OCM: variants seen among roughly 807,000 people sequenced by gnomAD.
OCM encodes the protein oncomodulin-1.
OCM carries 18 observed loss-of-function variants against 14.1 expected under a neutral mutation model. That is an observed-to-expected ratio of 1.28 (90% CI 0.88 to 1.89). OCM has a LOEUF of 1.89. Ranked by LOEUF, OCM falls within the 40% of genes most tolerant of loss-of-function variation. The pLI, the probability that OCM is intolerant of heterozygous loss-of-function variation, is 0.00. For missense variants in OCM, 140 were observed against 137.6 expected (o/e 1.02, Z -0.09); for synonymous variants, 48 against 51.0 (o/e 0.94, Z 0.25).
chr7:5,881,026 G>A (rs1781204626), intron 1 of OCM, 76 bp downstream of exon 1: 12 of 1,490,450 alleles, frequency 8.1e-6, no homozygotes, highest in Non-Finnish European at 1.1e-5. Flanking sequence ...AAATCAAAAT[G>A]TAGGCCAGGC....
upstream of OCM, among the ~76,000 whole-genome samples, chr7:5,877,063 C>T (rs1222049287): frequency 6.6e-6 from 1 of 152,150 alleles, no homozygotes; most frequent in Non-Finnish European, 1.5e-5. Context: ...GCCTCGGCCT[C>T]CCAAAGTGCT....
chr7:5,860,214 C>T, the OCM span, among the ~76,000 whole-genome samples: 1 of 151,840 alleles, frequency 6.6e-6, no homozygotes, highest in Non-Finnish European at 1.5e-5. Context: ...TTGCCTCCAG[C>T]TCATCCGTAA....
chr7:5,861,723 TTTTA>T, the OCM span, among the ~76,000 whole-genome samples: 97 of 151,930 alleles, frequency 6.4e-4, no homozygotes, highest in Non-Finnish European at 1.1e-3. Context: ...CTCATTGTGG[TTTTA>T]TTTATTTATT....
chr7:5,869,731 G>C, the OCM span, among the ~76,000 whole-genome samples: 2 of 152,144 alleles, frequency 1.3e-5, no homozygotes, highest in Middle Eastern at 6.8e-3. Flanking sequence ...AGCTTCTTCT[G>C]CACTACCCAG....
chr7:5,861,453 A>G, the OCM span, among the ~76,000 whole-genome samples: 1 of 151,350 alleles, frequency 6.6e-6, no homozygotes, highest in Non-Finnish European at 1.5e-5. Flanking sequence ...GTTCTTGGGG[A>G]GGAAGTTGGA....
chr7:5,871,583 G>C, the OCM span, among the ~76,000 whole-genome samples: 4 of 152,110 alleles, frequency 2.6e-5, no homozygotes, highest in Admixed American at 1.3e-4. Flanking sequence ...ACTGGGCAAT[G>C]TTGCACACAC....
the OCM span, among the ~76,000 whole-genome samples, chr7:5,870,999 G>A: frequency 2.6e-5 from 4 of 151,698 alleles, no homozygotes; most frequent in African/African-American, 4.8e-5. Context: ...TGATTCTCCC[G>A]CCTCAGCCTC....
At chr7:5,861,549 G>A in the OCM span, among the ~76,000 whole-genome samples, 1 of 152,168 alleles carries the variant, frequency 6.6e-6, no homozygotes, top group East Asian at 1.9e-4. Context: ...ATGTTGAAGA[G>A]CGGAAGGAGA....
intron 3 of OCM, among the ~76,000 whole-genome samples, chr7:5,885,802 G>A (rs1781321696): frequency 6.6e-6 from 1 of 152,000 alleles, no homozygotes; most frequent in Non-Finnish European, 1.5e-5. Flanking sequence ...GTAGAGACAG[G>A]GTTTCACCAT....
the OCM span, among the ~76,000 whole-genome samples, chr7:5,866,900 C>A: frequency 6.6e-6 from 1 of 152,174 alleles, no homozygotes; most frequent in Non-Finnish European, 1.5e-5. Context: ...AACCGCCGTC[C>A]TGTGTCTATA....
At chr7:5,870,218 C>T in the OCM span, among the ~76,000 whole-genome samples, 5 of 152,080 alleles carry the variant, frequency 3.3e-5, no homozygotes, top group Admixed American at 6.6e-5. Flanking sequence ...GCCATCCATC[C>T]TCCCACCTCA....
upstream of OCM, chr7:5,880,763 T>TTA: frequency 1.4e-6 from 1 of 724,072 alleles, no homozygotes; most frequent in Non-Finnish European, 2.1e-6. Context: ...CGTCTTAATT[T>TTA]AAAAAAAAAA....
chr7:5,867,082 T>C, the OCM span, among the ~76,000 whole-genome samples: 1 of 152,190 alleles, frequency 6.6e-6, no homozygotes, highest in African/African-American at 2.4e-5. Flanking sequence ...TGATTTCCAA[T>C]TGCTAAGAGA....
chr7:5,876,410 C>G (rs1781096710), upstream of OCM, among the ~76,000 whole-genome samples: 1 of 152,172 alleles, frequency 6.6e-6, no homozygotes, highest in Admixed American at 6.5e-5. Context: ...CTTGGCCTCC[C>G]AAAGTGCTGA....
rs774181401 is a variant in OCM at position 5,880,924 on chromosome 7, T to C, written c.35T>C (p.Ile12Thr). 1.3e-5 allele frequency: 21 copies of C among 1,613,862 alleles called. No individual in the cohort carries two copies. The highest frequency in any genetic ancestry group is 8.5e-7 in the Non-Finnish European group (1 of 1,179,962). ...SITDVLSADD[I>T]AAALQECRDP... Reference sequence around the variant, plus strand: ...ACGGACGTGCTCAGTGCTGACGACATTGCAGCAGCGCTCCAGGAATGCCGA... The same window carrying C: ...ACGGACGTGCTCAGTGCTGACGACACTGCAGCAGCGCTCCAGGAATGCCGA... Residue 12 changes from isoleucine to threonine, a missense_variant, in exon 1 of 4, where the codon ATT (isoleucine) becomes ACT (threonine). Coordinates refer to ENST00000242104, the MANE Select transcript of OCM (RefSeq NM_001097622.2).
chr7:5,873,318 A>C, the OCM span, among the ~76,000 whole-genome samples: 5,905 of 152,178 alleles, frequency 0.039, 265 homozygotes, highest in African/African-American at 0.11. Context: ...TAGAGGTCGC[A>C]GTGAGCCTAG....
At chr7:5,863,552 A>G in the OCM span, among the ~76,000 whole-genome samples, 1 of 148,988 alleles carries the variant, frequency 6.7e-6, no homozygotes, top group Non-Finnish European at 1.5e-5. Flanking sequence ...TTTTTTCTCA[A>G]GATGGAGTCT....
At position 5,882,513 on chromosome 7, in the gene OCM, C is replaced by T; in HGVS notation, c.82C>T (p.Gln28Ter). ...TTCAGACCCAGACACTTTTGAACCC[C>T]AAAAATTCTTCCAGACATCAGGCCT... ...ECRDPDTFEPQKFFQTSGLSK... is the reference protein window; with the variant it reads ...ECRDPDTFEP Residue 28 changes from glutamine (Q) to a stop codon, truncating the protein, a stop_gained, in exon 2 of 4, where the codon CAA becomes TAA. Transcript: ENST00000242104. LOFTEE classifies it high-confidence loss of function. 2 of 1,614,114 alleles carry T rather than the reference C, an allele frequency of 1.2e-6. No homozygotes were observed. The highest frequency in any genetic ancestry group is 2.2e-5 in the East Asian group (1 of 44,884).
chr7:5,884,741 A>G (rs1192505489), intron 3 of OCM, among the ~76,000 whole-genome samples: 3 of 151,320 alleles, frequency 2.0e-5, no homozygotes, highest in East Asian at 1.9e-4. Context: ...GTTCAAAATT[A>G]TACCACTATC....
Sources: allele counts gnomAD v4.1 joint callset (sites outside exome capture counted in the v4.1 genomes callset), GRCh38; gene constraint gnomAD v4.1.1; transcripts MANE v1.5; gene names NCBI Gene and HGNC (gene_info 2026-07-23, HGNC 2026-07-21).